Variants in C12orf42 observed in about 807,000 individuals in gnomAD.
C12orf42 encodes chromosome 12 open reading frame 42, also known as uncharacterized protein C12orf42.
A neutral mutation model predicts 21.6 loss-of-function variants in C12orf42; 25 were observed. The observed-to-expected ratio is 1.16, with a 90% CI of 0.84 to 1.62. C12orf42 has a LOEUF of 1.62. Among genes scored for constraint, C12orf42 ranks in the 40% most tolerant of loss-of-function variants. The probability of loss-of-function intolerance (pLI) is 0.00; values close to 1 mark genes in which losing one functional copy is unlikely to be tolerated. For synonymous variants in C12orf42, 174 were observed against 175.0 expected, an observed-to-expected ratio of 0.99 and a Z score of 0.05; for missense variants, 483 against 459.3, an observed-to-expected ratio of 1.05 and a Z score of -0.47.
At chr12:103,188,684 G>A in the C12orf42 span, among the ~76,000 whole-genome samples, 1 of 152,092 alleles carries the variant, frequency 6.6e-6, no homozygotes, top group African/African-American at 2.4e-5. Flanking sequence ...TAAAGAAGCT[G>A]GCACCTCCCC....
At chr12:103,428,888 T>G (rs537650742) in intron 2 of C12orf42, among the ~76,000 whole-genome samples, 11 of 118,842 alleles carry the variant, frequency 9.3e-5, no homozygotes, top group African/African-American at 3.1e-4. Flanking sequence ...TTTCAATAGA[T>G]GCAGACAAGG....
chr12:103,142,403 A>G, the C12orf42 span, among the ~76,000 whole-genome samples: 29 of 152,298 alleles, frequency 1.9e-4, no homozygotes, highest in East Asian at 5.2e-3. Flanking sequence ...CAGTTTACAA[A>G]CCCATATATT....
At chr12:103,202,283 TTGAAA>T in the C12orf42 span, among the ~76,000 whole-genome samples, 1 of 152,310 alleles carries the variant, frequency 6.6e-6, no homozygotes, top group African/African-American at 2.4e-5. Context: ...CATACTTCAC[TTGAAA>T]TAAAGTATTT....
At chr12:103,542,509 T>A in the C12orf42 span, among the ~76,000 whole-genome samples, 1 of 152,234 alleles carries the variant, frequency 6.6e-6, no homozygotes, top group Admixed American at 6.5e-5. Flanking sequence ...TGCTGCAGGC[T>A]ACAGACTGAA....
At chr12:103,545,347 T>C in the C12orf42 span, among the ~76,000 whole-genome samples, 1 of 152,218 alleles carries the variant, frequency 6.6e-6, no homozygotes, top group East Asian at 1.9e-4. Flanking sequence ...AATAAATGTA[T>C]ATAATATAAC....
intron 1 of C12orf42, among the ~76,000 whole-genome samples, chr12:103,492,592 T>C (rs1296952275): frequency 6.6e-6 from 1 of 152,236 alleles, no homozygotes; most frequent in African/African-American, 2.4e-5. Flanking sequence ...TCATGACTTT[T>C]CAATTCCTTC....
intron 4 of C12orf42, among the ~76,000 whole-genome samples, chr12:103,281,757 T>C (rs2036130918): frequency 6.6e-6 from 1 of 151,690 alleles, no homozygotes; most frequent in South Asian, 2.1e-4. Flanking sequence ...CTGAGTACAA[T>C]TGATCCTCCC....
chr12:103,287,402 T>C (rs937196014), intron 4 of C12orf42, among the ~76,000 whole-genome samples: 3 of 152,076 alleles, frequency 2.0e-5, no homozygotes, highest in Non-Finnish European at 4.4e-5. Flanking sequence ...ATGTCCTTTG[T>C]AGGGACATGG....
intron 4 of C12orf42, among the ~76,000 whole-genome samples, chr12:103,319,398 A>AC (rs1418383933): frequency 6.6e-6 from 1 of 152,034 alleles, no homozygotes; most frequent in Admixed American, 6.6e-5. Context: ...AATCCAGGCT[A>AC]CCCCCAACCC....
the C12orf42 span, among the ~76,000 whole-genome samples, chr12:103,552,234 GA>G: frequency 6.6e-6 from 1 of 152,156 alleles, no homozygotes; most frequent in African/African-American, 2.4e-5. Flanking sequence ...GTGATATGAA[GA>G]CTGACTCACT....
At chr12:103,174,534 G>C in the C12orf42 span, among the ~76,000 whole-genome samples, 2 of 150,594 alleles carry the variant, frequency 1.3e-5, no homozygotes, top group Non-Finnish European at 3.0e-5. Flanking sequence ...AGGTCACACA[G>C]CTGTTAGGTA....
At chr12:103,050,218 AG>A in the C12orf42 span, among the ~76,000 whole-genome samples, 1 of 122,278 alleles carries the variant, frequency 8.2e-6, no homozygotes, top group East Asian at 2.2e-4. Context: ...CTTTTCTCAC[AG>A]GTGTGTGTGT....
At chr12:103,341,310 G>A (rs147919789) in intron 4 of C12orf42, among the ~76,000 whole-genome samples, 5 of 152,022 alleles carry the variant, frequency 3.3e-5, no homozygotes, top group African/African-American at 7.2e-5. Context: ...CACTATGATC[G>A]CACCTGTGAA....
At chr12:103,343,919 T>C (rs1166410273) in intron 4 of C12orf42, among the ~76,000 whole-genome samples, 1 of 152,250 alleles carries the variant, frequency 6.6e-6, no homozygotes, top group Non-Finnish European at 1.5e-5. Context: ...CTGTTAGTTC[T>C]AATGGTACAA....
At chr12:103,499,150 C>T (rs112725054), upstream of C12orf42, among the ~76,000 whole-genome samples, 1 of 152,122 alleles carries the variant, frequency 6.6e-6, no homozygotes, top group African/African-American at 2.4e-5. Context: ...AGGGGATAAA[C>T]CTTCAGTTAC....
At chr12:103,334,469 C>T (rs1221382887) in intron 4 of C12orf42, among the ~76,000 whole-genome samples, 1 of 152,184 alleles carries the variant, frequency 6.6e-6, no homozygotes, top group Non-Finnish European at 1.5e-5. Flanking sequence ...AAACCCTGAT[C>T]CCTTTAATAA....
chr12:103,109,729 G>C, the C12orf42 span, among the ~76,000 whole-genome samples: 1 of 151,220 alleles, frequency 6.6e-6, no homozygotes, highest in Non-Finnish European at 1.5e-5. Context: ...TATCAAAATA[G>C]ACACCATGAA....
chr12:103,218,978 A>C, the C12orf42 span, among the ~76,000 whole-genome samples: 1 of 152,146 alleles, frequency 6.6e-6, no homozygotes, highest in Non-Finnish European at 1.5e-5. Flanking sequence ...CAAGCACAAA[A>C]CTGGGTGGCT....
At chr12:103,319,375 C>A (rs558511014) in intron 4 of C12orf42, among the ~76,000 whole-genome samples, 1 of 152,060 alleles carries the variant, frequency 6.6e-6, no homozygotes, top group Non-Finnish European at 1.5e-5. Flanking sequence ...GAGTCAGAAA[C>A]AATTGAAAAA....
Sources: allele counts gnomAD v4.1 joint callset (sites outside exome capture counted in the v4.1 genomes callset), GRCh38; gene constraint gnomAD v4.1.1; transcripts MANE v1.5; gene names NCBI Gene and HGNC (gene_info 2026-07-23, HGNC 2026-07-21).